The following PSCA variants were observed in gnomAD, a reference collection of about 807,000 sequenced individuals.
PSCA encodes the protein prostate stem cell antigen.
In PSCA, 7 loss-of-function variants were observed where a neutral mutation model predicts 7.9. That is an observed-to-expected ratio of 0.89 (90% CI 0.51 to 1.67). The LOEUF is 1.67. PSCA is among the 40% of genes most tolerant of loss of function. The pLI, the probability that PSCA is intolerant of heterozygous loss-of-function variation, is 0.00. For missense variants in PSCA, 151 were observed against 147.9 expected (o/e 1.02, Z -0.11); for synonymous variants, 61 against 68.3 (o/e 0.89, Z 0.53).
At chr8:142,671,736 C>T (rs587648837) in intron 1 of PSCA, among the ~76,000 whole-genome samples, 3 of 152,152 alleles carry the variant, frequency 2.0e-5, no homozygotes, top group Non-Finnish European at 4.4e-5. Flanking sequence ...TTTGTGGAAA[C>T]GAGGTCTAGC....
In PSCA at chr8:142,680,590, G is replaced by A. The variant is rs781961207; in HGVS notation, c.25+27G>A. 2.6e-5 allele frequency: 41 copies of A among 1,553,642 alleles called. No individual in the cohort carries two copies. The East Asian group carries it at 9.0e-4, about 34-fold the overall frequency. On this transcript the variant is annotated intron_variant, in intron 1 of 2. Transcript: ENST00000301258. Reference sequence around the variant, plus strand: ...TGAGGCCTTGGCTGGCCCCCAGCAGGGAAGGGAGCAGGGGTGAGCCGGGGA... The same window carrying A: ...TGAGGCCTTGGCTGGCCCCCAGCAGAGAAGGGAGCAGGGGTGAGCCGGGGA...
In PSCA at chr8:142,682,318, C is replaced by T. The variant is rs1554638528; in HGVS notation, c.*186C>T. 2 of 765,478 alleles carry T rather than the reference C, an allele frequency of 2.6e-6. No individual in the cohort carries two copies. The highest frequency in any genetic ancestry group is 2.3e-6 in the Non-Finnish European group (1 of 443,602). The allele number at this position is 765,478 out of a possible 1,614,324, so 47.4% of individuals were successfully genotyped here. ...CCTCCCATGGCCCTCTCCAGGACTC[C>T]CACCCGGCAGATCGGCTCTATTGAC... On this transcript the variant is annotated 3_prime_UTR_variant, in exon 3 of 3. Coordinates refer to ENST00000301258, the MANE Select transcript of PSCA (RefSeq NM_005672.5).
chr8:142,678,252 A>G (rs587629474), upstream of PSCA, among the ~76,000 whole-genome samples: 19 of 152,230 alleles, frequency 1.2e-4, no homozygotes, highest in East Asian at 3.3e-3. Flanking sequence ...GGAGGTAACA[A>G]TGAAGGCCGG....
chr8:142,671,691 A>G (rs1462172906), intron 1 of PSCA, among the ~76,000 whole-genome samples: 1 of 152,206 alleles, frequency 6.6e-6, no homozygotes, highest in Non-Finnish European at 1.5e-5. Context: ...AGCTGGGACT[A>G]CAAGCATGCA....
In PSCA at chr8:142,681,370, C is replaced by T. The variant is rs587715539; in HGVS notation, c.69C>T (p.Asn23=). 1.3e-5 allele frequency: 20 copies of T among 1,586,490 alleles called. No homozygotes were observed. In the Admixed American group the frequency reaches 2.1e-4, roughly 17 times the overall value. Residue 23 remains asparagine, a synonymous_variant, in exon 2 of 3, where the codon AAC becomes AAT. Transcript: ENST00000301258. ...LCYSCKAQVS[N]EDCLQVENCT... is the part of the protein sequence containing the mutation. ...ACTCCTGCAAAGCCCAGGTGAGCAACGAGGACTGCCTGCAGGTGGAGAACT... is the reference window on the plus strand; with the variant it reads ...ACTCCTGCAAAGCCCAGGTGAGCAATGAGGACTGCCTGCAGGTGGAGAACT...
chr8:142,681,651 C>T (rs1554638378), intron 2 of PSCA: 1 of 616,956 alleles, frequency 1.6e-6, no homozygotes, highest in African/African-American at 1.8e-5. Flanking sequence ...CCTCCATCTT[C>T]CACTCCTCCA....
rs1554638523 is a variant in PSCA, at chr8:142,682,310, C to T, written c.*178C>T. ...ACCCTGACCCTCCCATGGCCCTCTC[C>T]AGGACTCCCACCCGGCAGATCGGCT... On this transcript the variant is annotated 3_prime_UTR_variant, in exon 3 of 3. Coordinates refer to ENST00000301258, the MANE Select transcript of PSCA (RefSeq NM_005672.5). The T allele has an allele frequency of 1.3e-6, 1 of 789,880 alleles. No homozygotes were observed. The highest frequency in any genetic ancestry group is 2.0e-5 in the Admixed American group (1 of 50,072). 48.9% of individuals were successfully genotyped at this position (789,880 alleles called of 1,614,324 possible). A position where few individuals can be genotyped will look rare whatever the true frequency, so the allele number is the denominator to read the frequency against.
intron 1 of PSCA, chr8:142,680,964 G>A (rs1847455801): frequency 2.0e-5 from 9 of 449,766 alleles, no homozygotes; most frequent in South Asian, 1.1e-4. Context: ...GGTGTCCTGC[G>A]AGGACCCGGG....
chr8:142,682,006 G>C lies in PSCA; in HGVS notation c.219G>C (p.Lys73Asn). 6.2e-7 allele frequency: 1 copy of C among 1,613,004 alleles called. No individual in the cohort carries two copies. Among genetic ancestry groups the C allele is most frequent in the South Asian group, 1.1e-5 (1 of 90,846 alleles). ...CACAGGACTACTACGTGGGCAAGAAGAACATCACGTGCTGTGACACCGACT... is the reference window on the plus strand; with the variant it reads ...CACAGGACTACTACGTGGGCAAGAACAACATCACGTGCTGTGACACCGACT... Reference protein sequence around the residue: ...DDSQDYYVGKKNITCCDTDLC... With the variant: ...DDSQDYYVGKNNITCCDTDLC... The change falls in exon 3 of 3, where the codon AAG becomes AAC. Residue 73 changes from lysine to asparagine, a missense_variant. Coordinates refer to ENST00000301258, the MANE Select transcript of PSCA (RefSeq NM_005672.5).
chr8:142,681,620 C>T, intron 2 of PSCA, 186 bp downstream of exon 2: 1 of 644,170 alleles, frequency 1.6e-6, no homozygotes, highest in Non-Finnish European at 2.8e-6. Flanking sequence ...GCCACTCCTC[C>T]ACTCATCTGT....
intron 1 of PSCA, chr8:142,680,860 G>A: frequency 7.1e-6 from 4 of 559,566 alleles, no homozygotes; most frequent in Non-Finnish European, 1.3e-5. Flanking sequence ...CTGACGGATG[G>A]ATGGGCAGAG....
chr8:142,679,047 G>A (rs1847432258), upstream of PSCA, among the ~76,000 whole-genome samples: 2 of 152,192 alleles, frequency 1.3e-5, no homozygotes, highest in African/African-American at 4.8e-5. Flanking sequence ...TGCTCTAGAG[G>A]GCCATAGCCA....
chr8:142,676,527 TGGAACTGGGGTC>T (rs1256765452), upstream of PSCA: 4 of 152,276 alleles, frequency 2.6e-5, no homozygotes, highest in Non-Finnish European at 5.9e-5. Context: ...GAGATTGGCA[TGGAACTGGGGTC>T]GGAACTGGGG....
At chr8:142,677,719 C>T (rs2978981), upstream of PSCA, among the ~76,000 whole-genome samples, 65,417 of 151,604 alleles carry the variant, frequency 0.43, 14,346 homozygotes, top group Admixed American at 0.51. Flanking sequence ...GGCTGGAGGG[C>T]GTGTCCAGAG....
chr8:142,674,794 C>T (rs1847378869), intron 1 of PSCA, among the ~76,000 whole-genome samples: 1 of 152,226 alleles, frequency 6.6e-6, no homozygotes, highest in South Asian at 2.1e-4. Flanking sequence ...GCCACTACAG[C>T]AGCCTGCTTC....
At chr8:142,678,595 G>A (rs1847424770), upstream of PSCA, among the ~76,000 whole-genome samples, 1 of 152,242 alleles carries the variant, frequency 6.6e-6, no homozygotes, top group East Asian at 1.9e-4. Flanking sequence ...GGAGAAGCCT[G>A]GCTGACGGGA....
intron 1 of PSCA, among the ~76,000 whole-genome samples, chr8:142,675,076 C>T (rs1244317025): frequency 6.6e-6 from 1 of 152,238 alleles, no homozygotes; most frequent in Non-Finnish European, 1.5e-5. Flanking sequence ...CCCAGCCAGC[C>T]CTCCTTCTGG....
chr8:142,674,624 A>G (rs587750799), intron 1 of PSCA, among the ~76,000 whole-genome samples: 1 of 152,314 alleles, frequency 6.6e-6, no homozygotes, highest in South Asian at 2.1e-4. Context: ...CACTGTTAAA[A>G]CTTTTACAAA....
At chr8:142,681,733 A>G in intron 2 of PSCA, 188 bp from the exon 3 acceptor site, 1 of 611,916 alleles carries the variant, frequency 1.6e-6, no homozygotes, top group Non-Finnish European at 2.9e-6. Flanking sequence ...CGGGTGGTCC[A>G]TCTGCCTCGG....
Sources: gnomAD v4.1 joint callset for allele counts (sites outside exome capture counted in the v4.1 genomes callset) on GRCh38, gnomAD v4.1.1 for gene constraint, MANE v1.5 for transcripts, NCBI Gene and HGNC (gene_info 2026-07-23, HGNC 2026-07-21) for gene names.